Variants in PPP1R9A observed in about 807,000 individuals in gnomAD.
The protein encoded by PPP1R9A is neurabin-1.
A neutral mutation model predicts 141.9 loss-of-function variants in PPP1R9A; 59 were observed. The ratio of observed to expected loss-of-function variants is 0.42; its 90% CI spans 0.34 to 0.52. The LOEUF (loss-of-function observed/expected upper bound fraction) is 0.52, where lower values mean the gene tolerates loss of function less well. Among genes scored for constraint, PPP1R9A ranks in the 20% least tolerant of loss-of-function variants. The probability of loss-of-function intolerance (pLI) is 0.10; values close to 1 mark genes in which losing one functional copy is unlikely to be tolerated. For missense variants in PPP1R9A, 1,444 were observed against 1,611.9 expected, an observed-to-expected ratio of 0.90 and a Z score of 1.78; for synonymous variants, 500 against 569.7, an observed-to-expected ratio of 0.88 and a Z score of 1.74.
chr7:95,045,460 C>G (rs1809873057), intron 2 of PPP1R9A, among the ~76,000 whole-genome samples: 2 of 152,278 alleles, frequency 1.3e-5, no homozygotes, highest in Non-Finnish European at 2.9e-5. Context: ...TGAGCATGCG[C>G]AGTGTGTTTA....
At chr7:95,115,742 C>G (rs2152462153) in intron 3 of PPP1R9A, among the ~76,000 whole-genome samples, 1 of 151,686 alleles carries the variant, frequency 6.6e-6, no homozygotes, top group Admixed American at 6.6e-5. Flanking sequence ...CACATGAAAC[C>G]TCATCTCTAC....
In PPP1R9A at chr7:95,226,033, G is replaced by C. The variant is rs1372693839; in HGVS notation, c.2029G>C (p.Glu677Gln). Residue 677 changes from glutamate (E) to glutamine (Q), a missense_variant, in exon 8 of 20, where the codon GAA (glutamate) becomes CAA (glutamine). Around this residue, in one of 5 missense-constraint regions of PPP1R9A, gnomAD observed 488 missense variants for 542.0 expected, o/e 0.90. Transcript: ENST00000433360. The stretch of plus-strand genomic sequence containing the variant: ...CCTTCCTGGCAGCGACATGGCCATT[G>C]AAGTCTTTGAGCTGCCTGAGAATGA... ...PVLPGSDMAI[E>Q]VFELPENEDM... 1 of 1,613,648 alleles carries C rather than the reference G, an allele frequency of 6.2e-7. No individual in the cohort carries two copies. Among genetic ancestry groups the C allele is most frequent in the Admixed American group, 1.7e-5 (1 of 59,956 alleles).
At chr7:95,091,337 CTTTTTTTTTTTTT>C (rs555627706) in intron 2 of PPP1R9A, among the ~76,000 whole-genome samples, 1 of 75,972 alleles carries the variant, frequency 1.3e-5, no homozygotes, top group Non-Finnish European at 2.4e-5. Flanking sequence ...TGTTTTAACT[CTTTTTTTTTTTTT>C]TTTTTTTTTT....
chr7:95,070,577 AT>A (rs1462947294), intron 2 of PPP1R9A, among the ~76,000 whole-genome samples: 1 of 142,974 alleles, frequency 7.0e-6, no homozygotes, highest in Non-Finnish European at 1.5e-5. Context: ...AATTTCAATT[AT>A]TTTTTAAATC....
chr7:95,289,032 T>C, intron 19 of PPP1R9A, among the ~76,000 whole-genome samples: 1 of 152,202 alleles, frequency 6.6e-6, no homozygotes, highest in East Asian at 1.9e-4. Context: ...TAATGGCCAC[T>C]GTGGACTTTT....
chr7:95,048,931 TATATCTATAAATTTACAA>T (rs1810413124), intron 2 of PPP1R9A, among the ~76,000 whole-genome samples: 1 of 150,572 alleles, frequency 6.6e-6, no homozygotes, highest in Non-Finnish European at 1.5e-5. Context: ...TTATTTCAGT[TATATCTATAAATTTACAA>T]ATACTGAGAA....
intron 2 of PPP1R9A, among the ~76,000 whole-genome samples, chr7:95,066,827 G>A (rs6961415): frequency 0.54 from 82,204 of 152,038 alleles, 23,557 homozygotes; most frequent in African/African-American, 0.71. Flanking sequence ...AGCTAGACGT[G>A]AGTGAATATT....
chr7:94,984,001 T>C (rs919966066), intron 2 of PPP1R9A, among the ~76,000 whole-genome samples: 5 of 152,164 alleles, frequency 3.3e-5, no homozygotes, highest in African/African-American at 4.8e-5. Flanking sequence ...TTGAGATAGG[T>C]TCCATCAATA....
rs561732369 is a variant in PPP1R9A at position 95,147,957 on chromosome 7, CT to C, written c.1650-13903del. 3.0e-3 allele frequency among the ~76,000 whole-genome samples: 459 copies of C among 152,084 alleles called. 4 individuals are homozygous for C. The highest frequency in any genetic ancestry group is 0.011 in the African/African-American group (436 of 41,490). On this transcript the variant is annotated intron_variant, in intron 4 of 19. Transcript: ENST00000433360. Reference sequence around the variant, plus strand: ...ATCAGGGATATTGGCCTGAAATTTTCTTTTTTTGTTGTGAAGAGTCATTTTT... The same window carrying C: ...ATCAGGGATATTGGCCTGAAATTTTCTTTTTTGTTGTGAAGAGTCATTTTT...
At chr7:95,061,073 G>A (rs961871260) in intron 2 of PPP1R9A, among the ~76,000 whole-genome samples, 10 of 152,148 alleles carry the variant, frequency 6.6e-5, no homozygotes, top group African/African-American at 1.4e-4. Flanking sequence ...CTGTATGTGC[G>A]TGTATAAATT....
chr7:94,920,679 T>C (rs1451175426), intron 2 of PPP1R9A, among the ~76,000 whole-genome samples: 1 of 152,190 alleles, frequency 6.6e-6, no homozygotes, highest in Non-Finnish European at 1.5e-5. Context: ...CAAGTTGTTT[T>C]CCATGCCAGT....
At chr7:95,164,381 G>T (rs1055270402) in intron 5 of PPP1R9A, among the ~76,000 whole-genome samples, 5 of 151,976 alleles carry the variant, frequency 3.3e-5, no homozygotes, top group African/African-American at 1.2e-4. Context: ...ATCCTTTATA[G>T]TATTTTCTTT....
At chr7:95,112,156 CT>C (rs1820683198) in intron 3 of PPP1R9A, among the ~76,000 whole-genome samples, 1 of 151,954 alleles carries the variant, frequency 6.6e-6, no homozygotes, top group Non-Finnish European at 1.5e-5. Flanking sequence ...CAAATTATGC[CT>C]CTAACAAAGG....
intron 2 of PPP1R9A, among the ~76,000 whole-genome samples, chr7:94,986,343 C>T (rs2151383228): frequency 6.6e-6 from 1 of 152,178 alleles, no homozygotes; most frequent in Non-Finnish European, 1.5e-5. Flanking sequence ...TGCTTCTCTG[C>T]AACATGGATG....
At chr7:94,972,210 A>G (rs1024290484) in intron 2 of PPP1R9A, among the ~76,000 whole-genome samples, 1 of 152,122 alleles carries the variant, frequency 6.6e-6, no homozygotes, top group Non-Finnish European at 1.5e-5. Context: ...GGTCTTTTGT[A>G]CTGTGTATAT....
chr7:95,042,572 A>G (rs1809411179), intron 2 of PPP1R9A, among the ~76,000 whole-genome samples: 1 of 152,200 alleles, frequency 6.6e-6, no homozygotes, highest in African/African-American at 2.4e-5. Flanking sequence ...TTCATTTATT[A>G]CACATTTAGG....
At chr7:95,083,782 G>A (rs1193979517) in intron 2 of PPP1R9A, among the ~76,000 whole-genome samples, 3 of 151,894 alleles carry the variant, frequency 2.0e-5, no homozygotes, top group Non-Finnish European at 2.9e-5. Flanking sequence ...AAGTAGATGA[G>A]GGATGAAAAA....
At chr7:95,049,561 A>G (rs1241430314) in intron 2 of PPP1R9A, among the ~76,000 whole-genome samples, 1 of 152,164 alleles carries the variant, frequency 6.6e-6, no homozygotes. Flanking sequence ...TCCATAGTTT[A>G]CATTGGGGTT....
chr7:95,158,971 G>C (rs1830046496), intron 4 of PPP1R9A, among the ~76,000 whole-genome samples: 1 of 152,170 alleles, frequency 6.6e-6, no homozygotes, highest in African/African-American at 2.4e-5. Flanking sequence ...ATGGAGATTT[G>C]TTAATGTCTA....
Sources: allele counts gnomAD v4.1 joint callset (sites outside exome capture counted in the v4.1 genomes callset), GRCh38; gene constraint gnomAD v4.1.1; regional missense constraint gnomAD v4.1.1; transcripts MANE v1.5; gene names NCBI Gene and HGNC (gene_info 2026-07-23, HGNC 2026-07-21).